ADAM2: variants seen among roughly 807,000 people sequenced by gnomAD.
ADAM2 encodes ADAM metallopeptidase domain 2.
ADAM2 carries 101 observed loss-of-function variants against 99.3 expected under a neutral mutation model. The ratio of observed to expected loss-of-function variants is 1.02; its 90% CI spans 0.87 to 1.20. ADAM2 has a LOEUF of 1.20. Ranked by LOEUF, ADAM2 falls within the 50% of genes most tolerant of loss-of-function variation. The pLI is 0.00. For missense variants in ADAM2, 948 were observed against 878.7 expected (o/e 1.08, Z -1.00); for synonymous variants, 323 against 287.6 (o/e 1.12, Z -1.25).
intron 16 of ADAM2, among the ~76,000 whole-genome samples, chr8:39,754,779 G>T (rs984469824): frequency 6.6e-6 from 1 of 152,040 alleles, no homozygotes; most frequent in African/African-American, 2.4e-5. Flanking sequence ...AGACTAATTT[G>T]AGCTTGCACC....
At chr8:39,837,381 GT>G (rs112475501) in intron 1 of ADAM2, among the ~76,000 whole-genome samples, 169 bp from the exon 2 acceptor site, 1,762 of 142,382 alleles carry the variant, frequency 0.012, 36 homozygotes, top group African/African-American at 0.041. Flanking sequence ...CTGTTTTTCT[GT>G]TTTTTTTTTT....
chr8:39,792,240 T>A (rs1341390274), intron 7 of ADAM2, among the ~76,000 whole-genome samples: 5 of 151,698 alleles, frequency 3.3e-5, no homozygotes, highest in African/African-American at 1.2e-4. Context: ...CAAAAAAAAA[T>A]GGCAAAACCT....
chr8:39,796,236 C>T (rs545734193), intron 7 of ADAM2, among the ~76,000 whole-genome samples: 1 of 152,198 alleles, frequency 6.6e-6, no homozygotes, highest in East Asian at 1.9e-4. Flanking sequence ...GTTCCACTCT[C>T]TGTGTCCTTG....
intron 10 of ADAM2, among the ~76,000 whole-genome samples, chr8:39,777,448 A>G (rs1803035929): frequency 1.3e-5 from 2 of 152,140 alleles, no homozygotes; most frequent in Admixed American, 1.3e-4. Flanking sequence ...AGTCATATTT[A>G]TATTCACAAA....
intron 9 of ADAM2, among the ~76,000 whole-genome samples, chr8:39,787,457 T>C (rs1332368954): frequency 6.6e-6 from 1 of 151,242 alleles, no homozygotes; most frequent in Non-Finnish European, 1.5e-5. Context: ...TCTAGAGACA[T>C]GAAAAAGCAT....
At position 39,801,823 on chromosome 8, in the gene ADAM2, A is replaced by G. The variant is rs1215438198; in HGVS notation, c.570+7587T>C. 2.6e-5 allele frequency among the ~76,000 whole-genome samples: 4 copies of G among 152,154 alleles called. No individual in the cohort carries two copies. The East Asian group carries it at 7.7e-4, about 29-fold the overall frequency. The stretch of plus-strand genomic sequence containing the variant: ...TACTGCCACAGCCAGTGTGTTGGGC[A>G]GTGGGAACAAATCTTGGGAACAAGC... On this transcript the variant is annotated intron_variant, in intron 7 of 20. Coordinates refer to ENST00000265708, the MANE Select transcript of ADAM2 (RefSeq NM_001464.5).
intron 14 of ADAM2, among the ~76,000 whole-genome samples, chr8:39,764,069 G>C (rs1802471216): frequency 1.3e-5 from 2 of 152,208 alleles, no homozygotes; most frequent in African/African-American, 4.8e-5. Flanking sequence ...TGGAACTGAA[G>C]TACTCAGTTT....
intron 11 of ADAM2, among the ~76,000 whole-genome samples, chr8:39,774,084 A>G (rs527523033): frequency 6.6e-5 from 10 of 152,010 alleles, no homozygotes; most frequent in Non-Finnish European, 1.2e-4. Flanking sequence ...AACAGAATAA[A>G]GTAGAAGAAA....
At chr8:39,754,005 T>G (rs944444630) in intron 16 of ADAM2, among the ~76,000 whole-genome samples, 14 of 152,240 alleles carry the variant, frequency 9.2e-5, no homozygotes, top group Admixed American at 7.9e-4. Context: ...ATAAAGCTTA[T>G]GATCATCCCA....
At chr8:39,803,647 T>A (rs1444418898) in intron 7 of ADAM2, among the ~76,000 whole-genome samples, 1 of 152,210 alleles carries the variant, frequency 6.6e-6, no homozygotes, top group Admixed American at 6.5e-5. Context: ...CAATTCGAAC[T>A]CTAAAACTCA....
At chr8:39,756,914 G>A (rs915114784) in intron 15 of ADAM2, among the ~76,000 whole-genome samples, 6 of 152,190 alleles carry the variant, frequency 3.9e-5, no homozygotes, top group Non-Finnish European at 7.3e-5. Context: ...GAACACAGAG[G>A]AGAAACAAAC....
intron 14 of ADAM2, among the ~76,000 whole-genome samples, chr8:39,765,335 C>T (rs1470774899): frequency 1.3e-5 from 2 of 151,768 alleles, no homozygotes; most frequent in African/African-American, 4.8e-5. Flanking sequence ...CACTCTGGGT[C>T]CATATAATTG....
At chr8:39,769,327 T>C (rs1383668355) in intron 12 of ADAM2, 65 bp downstream of exon 12, 7 of 1,291,338 alleles carry the variant, frequency 5.4e-6, no homozygotes, top group Non-Finnish European at 7.6e-6. Flanking sequence ...TGGCAGTTTC[T>C]CACTCGAATT....
chr8:39,744,632 CG>C (rs1204139614), intron 20 of ADAM2, among the ~76,000 whole-genome samples, 197 bp downstream of exon 20: 4 of 151,926 alleles, frequency 2.6e-5, no homozygotes, highest in African/African-American at 9.7e-5. Context: ...CAGAACCTGT[CG>C]GGGGTTGGGA....
chr8:39,793,667 G>T (rs1180829333), intron 7 of ADAM2, among the ~76,000 whole-genome samples: 1 of 152,106 alleles, frequency 6.6e-6, no homozygotes, highest in Non-Finnish European at 1.5e-5. Context: ...GAAATTTCCA[G>T]ACTCCTTGGT....
Position 39,821,642 on chromosome 8 carries a change from C to T in ADAM2, c.288G>A (p.Gly96=). Reference sequence around the variant, plus strand: ...CAGATTTTGGATAACCTTCAATATACCCTTGGTAGTGGCAGAAATTCTGAA... The same window carrying T: ...CAGATTTTGGATAACCTTCAATATATCCTTGGTAGTGGCAGAAATTCTGAA... ...QDFQNFCHYQ[G]YIEGYPKSVV... The change falls in exon 5 of 21, where the codon GGG becomes GGA. Residue 96 remains glycine (G), a synonymous_variant. Transcript: ENST00000265708. The T allele has an allele frequency of 6.2e-7, 1 of 1,606,504 alleles. No individual in the cohort carries two copies. Among genetic ancestry groups the T allele is most frequent in the Non-Finnish European group, 8.5e-7 (1 of 1,173,822 alleles).
At chr8:39,775,469 C>T (rs1380323885) in intron 11 of ADAM2, among the ~76,000 whole-genome samples, 1 of 152,078 alleles carries the variant, frequency 6.6e-6, no homozygotes, top group African/African-American at 2.4e-5. Flanking sequence ...TCTGGCACTT[C>T]TCTCATACAA....
intron 7 of ADAM2, among the ~76,000 whole-genome samples, chr8:39,799,263 AC>A (rs1169513881): frequency 1.3e-5 from 2 of 152,148 alleles, no homozygotes; most frequent in African/African-American, 4.8e-5. Flanking sequence ...GTTTCCAAGA[AC>A]TTCTTGATTT....
intron 6 of ADAM2, among the ~76,000 whole-genome samples, chr8:39,813,711 A>C (rs1193725978): frequency 6.6e-6 from 1 of 152,014 alleles, no homozygotes; most frequent in Non-Finnish European, 1.5e-5. Context: ...AGAAGTGGGA[A>C]TTAAACAATT....
Sources: allele counts gnomAD v4.1 joint callset (sites outside exome capture counted in the v4.1 genomes callset), GRCh38; gene constraint gnomAD v4.1.1; transcripts MANE v1.5; gene names NCBI Gene and HGNC (gene_info 2026-07-23, HGNC 2026-07-21).